The following TENM2 variants were observed in gnomAD, a reference collection of about 807,000 sequenced individuals.
TENM2 encodes the protein teneurin-2.
In TENM2, 52 loss-of-function variants were observed where a neutral mutation model predicts 245.2. That is an observed-to-expected ratio of 0.21 (90% CI 0.17 to 0.27). The LOEUF (loss-of-function observed/expected upper bound fraction) is 0.27. Ranked by LOEUF, TENM2 falls within the 10% of genes least tolerant of loss-of-function variation. The pLI is 1.00. For synonymous variants in TENM2, 1,363 were observed against 1,438.9 expected (o/e 0.95, Z 1.19); for missense variants, 3,046 against 3,666.8 (o/e 0.83, Z 4.37).
At chr5:167,599,436 A>G (rs1274384522) in intron 2 of TENM2, among the ~76,000 whole-genome samples, 2 of 152,222 alleles carry the variant, frequency 1.3e-5, no homozygotes, top group Non-Finnish European at 1.5e-5. Flanking sequence ...TTTCTTCCAC[A>G]TAATTCAAAT....
downstream of TENM2, chr5:168,263,441 G>C (rs1239251767): frequency 1.3e-5 from 2 of 152,280 alleles, no homozygotes; most frequent in African/African-American, 4.8e-5. Context: ...GCCTGGGGAG[G>C]GGGGATAAAA....
chr5:167,554,862 G>GCTC lies in TENM2; in HGVS notation c.502+179412_502+179414dup, dbSNP rs561609926. ...TTCAAAGGAGCTTCTCTCTCTCTCT[G>GCTC]CTCCTCCTCCTCCTCCTCCTCCTCC... On this transcript the variant is annotated intron_variant, in intron 2 of 28. Coordinates refer to ENST00000518659, the Ensembl canonical transcript of TENM2. Among the ~76,000 whole-genome samples, 1,002 of 151,488 alleles carry GCTC rather than the reference G, an allele frequency of 6.6e-3. 16 individuals are homozygous for GCTC. Among genetic ancestry groups the GCTC allele is most frequent in the African/African-American group, 0.022 (922 of 41,320 alleles).
intron 2 of TENM2, among the ~76,000 whole-genome samples, chr5:167,526,394 AG>A (rs1371602282): frequency 6.6e-6 from 1 of 151,518 alleles, no homozygotes; most frequent in Non-Finnish European, 1.5e-5. Flanking sequence ...ACACACACAC[AG>A]AAAAGAAGAA....
intron 6 of TENM2, among the ~76,000 whole-genome samples, chr5:168,050,511 TC>T (rs77075949): frequency 0.071 from 10,830 of 152,202 alleles, 626 homozygotes; most frequent in Admixed American, 0.19. Context: ...ATTCCTTCAC[TC>T]CAATGTTTTA....
At chr5:167,336,959 TA>T (rs1470518185) in intron 1 of TENM2, among the ~76,000 whole-genome samples, 1 of 147,172 alleles carries the variant, frequency 6.8e-6, no homozygotes, top group Admixed American at 6.7e-5. Context: ...CTACTAAAAA[TA>T]CAAAAAATTA....
intron 2 of TENM2, among the ~76,000 whole-genome samples, chr5:167,512,090 A>G (rs1272717029): frequency 6.6e-6 from 1 of 152,194 alleles, no homozygotes; most frequent in Admixed American, 6.5e-5. Flanking sequence ...GAAGCTCTAG[A>G]TTTGAAAGCA....
At chr5:167,386,921 A>G (rs1425712750) in intron 2 of TENM2, among the ~76,000 whole-genome samples, 4 of 152,108 alleles carry the variant, frequency 2.6e-5, no homozygotes, top group Non-Finnish European at 5.9e-5. Context: ...GCCTTATAGT[A>G]TAGTTTGAAA....
chr5:168,065,078 A>C (rs1269583667), intron 7 of TENM2, among the ~76,000 whole-genome samples: 1 of 152,196 alleles, frequency 6.6e-6, no homozygotes, highest in Non-Finnish European at 1.5e-5. Context: ...GGGGATTGGC[A>C]GTCTAGCCAA....
chr5:167,443,023 G>T (rs1216042797), intron 2 of TENM2, among the ~76,000 whole-genome samples: 1 of 152,160 alleles, frequency 6.6e-6, no homozygotes, highest in East Asian at 1.9e-4. Context: ...TGAAGTTGCA[G>T]TGTGTACAGA....
At chr5:167,150,111 G>A in the TENM2 span, among the ~76,000 whole-genome samples, 2 of 152,076 alleles carry the variant, frequency 1.3e-5, no homozygotes, top group Non-Finnish European at 2.9e-5. Context: ...AAAATACAGG[G>A]TTTTAAAAAG....
At chr5:167,629,124 A>G (rs1057411127) in intron 2 of TENM2, among the ~76,000 whole-genome samples, 17 of 152,192 alleles carry the variant, frequency 1.1e-4, no homozygotes, top group South Asian at 2.1e-4. Flanking sequence ...TAGAAATCCA[A>G]GGTTTCATAG....
chr5:168,056,385 T>C (rs116457410), intron 6 of TENM2, among the ~76,000 whole-genome samples: 66 of 152,364 alleles, frequency 4.3e-4, no homozygotes, highest in African/African-American at 1.6e-3. Flanking sequence ...TTAAAAAGTA[T>C]ATAAAAAACT....
intron 12 of TENM2, among the ~76,000 whole-genome samples, chr5:168,133,819 A>C (rs1754801612): frequency 6.6e-6 from 1 of 152,214 alleles, no homozygotes; most frequent in African/African-American, 2.4e-5. Context: ...GCTTCACTTG[A>C]ATCCAGAGAA....
At chr5:167,620,294 T>C (rs907959166) in intron 2 of TENM2, among the ~76,000 whole-genome samples, 2 of 152,202 alleles carry the variant, frequency 1.3e-5, no homozygotes, top group South Asian at 2.1e-4. Context: ...ATCAGAACAA[T>C]TGATACATTC....
intron 2 of TENM2, among the ~76,000 whole-genome samples, chr5:167,583,745 A>T (rs935066832): frequency 6.6e-5 from 10 of 152,164 alleles, no homozygotes; most frequent in African/African-American, 1.9e-4. Context: ...GATGCTCCCC[A>T]TACAGCATCT....
chr5:167,218,482 G>A, the TENM2 span, among the ~76,000 whole-genome samples: 118 of 152,114 alleles, frequency 7.8e-4, no homozygotes, highest in South Asian at 1.9e-3. Context: ...ATTTTAACAT[G>A]CTATCTTGTG....
rs138887945 is a variant in TENM2, at chr5:168,117,256, C to T, written c.1814-1036C>T. Among the ~76,000 whole-genome samples the T allele has an allele frequency of 6.6e-5, 10 of 152,334 alleles. 1 individual carries two copies. The highest frequency in any genetic ancestry group is 2.4e-4 in the African/African-American group (10 of 41,568). On this transcript the variant is annotated intron_variant, in intron 9 of 28. Coordinates refer to ENST00000518659, the Ensembl canonical transcript of TENM2. ...CGAACTACTAGAAATTTCATGCCTTCAGCCTGCCTGCTCCCTTTTCTTTTT... is the reference window on the plus strand; with the variant it reads ...CGAACTACTAGAAATTTCATGCCTTTAGCCTGCCTGCTCCCTTTTCTTTTT...
chr5:167,375,449 G>A (rs1343058046), exon 2 of TENM2: 1 of 1,551,672 alleles, frequency 6.4e-7, no homozygotes, highest in East Asian at 2.4e-5. Flanking sequence ...CTCTGACAAC[G>A]AAAACAAATC....
intron 1 of TENM2, 59 bp from the exon 4 acceptor site, chr5:167,375,139 T>G: frequency 6.6e-7 from 1 of 1,516,110 alleles, no homozygotes; most frequent in South Asian, 1.2e-5. Context: ...AAGGATAAAT[T>G]TTAACTTTGT....
Sources: allele counts gnomAD v4.1 joint callset (sites outside exome capture counted in the v4.1 genomes callset), GRCh38; gene constraint gnomAD v4.1.1; transcripts MANE v1.5; gene names NCBI Gene and HGNC (gene_info 2026-07-23, HGNC 2026-07-21).